The following PHTF2 variants were observed in gnomAD, a reference collection of about 807,000 sequenced individuals.
PHTF2 encodes protein PHTF2.
Under a neutral mutation model 101.2 loss-of-function variants are expected in PHTF2, and 60 were observed. The ratio of observed to expected loss-of-function variants is 0.59; its 90% CI spans 0.48 to 0.73. The LOEUF is 0.73. Ranked by LOEUF, PHTF2 falls within the 30% of genes least tolerant of loss-of-function variation. The pLI is 0.00. For missense variants in PHTF2, 747 were observed against 908.7 expected (o/e 0.82, Z 2.29); for synonymous variants, 311 against 307.3 (o/e 1.01, Z -0.13).
intron 9 of PHTF2, among the ~76,000 whole-genome samples, chr7:77,914,483 T>C (rs953330260): frequency 3.9e-5 from 6 of 152,222 alleles, no homozygotes; most frequent in African/African-American, 7.2e-5. Flanking sequence ...ACTGACTGGC[T>C]GAATGACTAA....
At chr7:77,884,247 A>G (rs1031507627) in intron 3 of PHTF2, among the ~76,000 whole-genome samples, 1 of 152,216 alleles carries the variant, frequency 6.6e-6, no homozygotes, top group Non-Finnish European at 1.5e-5. Flanking sequence ...GAAAATTTTC[A>G]GTAGCTTTTG....
intron 11 of PHTF2, among the ~76,000 whole-genome samples, chr7:77,928,436 A>T (rs898261367): frequency 6.6e-6 from 1 of 152,066 alleles, no homozygotes; most frequent in Non-Finnish European, 1.5e-5. Context: ...TTTTATGTTG[A>T]TTTCACTTCC....
chr7:77,919,440 A>G (rs1324285942), intron 9 of PHTF2, among the ~76,000 whole-genome samples: 9 of 152,224 alleles, frequency 5.9e-5, no homozygotes, highest in South Asian at 2.1e-4. Context: ...ATGTTTTATG[A>G]TAGATAATCT....
At chr7:77,942,387 G>T (rs1805701923) in intron 15 of PHTF2, among the ~76,000 whole-genome samples, 1 of 152,202 alleles carries the variant, frequency 6.6e-6, no homozygotes, top group Admixed American at 6.5e-5. Flanking sequence ...ACAGTATCTA[G>T]TGCTAAGCAG....
At chr7:77,871,007 C>T (rs1429474329) in intron 3 of PHTF2, among the ~76,000 whole-genome samples, 1 of 152,182 alleles carries the variant, frequency 6.6e-6, no homozygotes, top group Non-Finnish European at 1.5e-5. Context: ...ACACTCATGA[C>T]AGTTACAGTC....
intron 1 of PHTF2, among the ~76,000 whole-genome samples, chr7:77,831,220 G>T (rs1795053275): frequency 6.6e-6 from 1 of 152,236 alleles, no homozygotes; most frequent in African/African-American, 2.4e-5. Flanking sequence ...AGGCTTTGGA[G>T]TTTTTCAAAA....
intron 3 of PHTF2, among the ~76,000 whole-genome samples, chr7:77,884,722 C>A (rs1285274411): frequency 2.0e-5 from 3 of 152,060 alleles, no homozygotes; most frequent in Non-Finnish European, 4.4e-5. Context: ...TATGGTCAAA[C>A]CCCGTCTTTA....
At chr7:77,803,749 A>G (rs1316305540) in intron 1 of PHTF2, among the ~76,000 whole-genome samples, 1 of 151,688 alleles carries the variant, frequency 6.6e-6, no homozygotes, top group East Asian at 1.9e-4. Context: ...AACAATTTCC[A>G]GATAGAATAA....
chr7:77,898,371 T>A (rs1164906828), intron 5 of PHTF2, among the ~76,000 whole-genome samples: 1 of 152,234 alleles, frequency 6.6e-6, no homozygotes, highest in Non-Finnish European at 1.5e-5. Context: ...AATGTGTTAC[T>A]GTTTTCAAAT....
intron 1 of PHTF2, among the ~76,000 whole-genome samples, chr7:77,832,953 T>C (rs1348093843): frequency 6.6e-6 from 1 of 152,174 alleles, no homozygotes; most frequent in Non-Finnish European, 1.5e-5. Context: ...TGGGGACTGC[T>C]GCAAGTAAGA....
intron 5 of PHTF2, 115 bp from the exon 5 acceptor site, chr7:77,900,596 T>G: frequency 1.5e-6 from 1 of 675,036 alleles, no homozygotes; most frequent in African/African-American, 1.8e-5. Flanking sequence ...ATGTGTTACA[T>G]TTTGTTGGTA....
At chr7:77,941,367 TA>T (rs528148236) in intron 15 of PHTF2, among the ~76,000 whole-genome samples, 102 of 152,326 alleles carry the variant, frequency 6.7e-4, no homozygotes, top group African/African-American at 2.3e-3. Flanking sequence ...TTGGCATGGA[TA>T]TTTTTTTCCT....
chr7:77,949,379 G>A (rs1344210932), intron 16 of PHTF2, among the ~76,000 whole-genome samples: 2 of 152,030 alleles, frequency 1.3e-5, no homozygotes, highest in Non-Finnish European at 2.9e-5. Flanking sequence ...TCTGGGGTGG[G>A]AAGGGGAAGA....
At chr7:77,836,381 C>T (rs748199326) in intron 1 of PHTF2, among the ~76,000 whole-genome samples, 1 of 152,124 alleles carries the variant, frequency 6.6e-6, no homozygotes, top group African/African-American at 2.4e-5. Flanking sequence ...GCGCAGCTTA[C>T]CCACCATGTT....
chr7:77,810,857 ATTGG>A (rs781261141), intron 1 of PHTF2, among the ~76,000 whole-genome samples: 37 of 151,520 alleles, frequency 2.4e-4, no homozygotes, highest in Non-Finnish European at 5.0e-4. Context: ...TCAATTTGAG[ATTGG>A]TTGATTTTTT....
chr7:77,833,929 G>T (rs1407726590), intron 1 of PHTF2, among the ~76,000 whole-genome samples: 7 of 152,060 alleles, frequency 4.6e-5, no homozygotes. Flanking sequence ...ATGTTTTTGG[G>T]TGTGTTAGAA....
intron 12 of PHTF2, among the ~76,000 whole-genome samples, chr7:77,934,871 A>G (rs1445834792): frequency 1.3e-5 from 2 of 152,064 alleles, no homozygotes; most frequent in Non-Finnish European, 2.9e-5. Flanking sequence ...AGGCATGAGC[A>G]TTGCTTGAAC....
At chr7:77,920,366 C>T (rs371277530) in exon 10 of PHTF2, 30 of 1,609,970 alleles carry the variant, frequency 1.9e-5, no homozygotes, top group Admixed American at 3.3e-5. Flanking sequence ...CTGTTAAAAG[C>T]GGTGAAGATG....
At chr7:77,917,831 T>TA (rs1803075417) in intron 9 of PHTF2, among the ~76,000 whole-genome samples, 1 of 152,228 alleles carries the variant, frequency 6.6e-6, no homozygotes, top group Non-Finnish European at 1.5e-5. Context: ...GAGTAATACT[T>TA]ACATTTAGCA....
Sources: allele counts gnomAD v4.1 joint callset (sites outside exome capture counted in the v4.1 genomes callset), GRCh38; gene constraint gnomAD v4.1.1; transcripts MANE v1.5; gene names NCBI Gene and HGNC (gene_info 2026-07-23, HGNC 2026-07-21).